The following KATNAL2 variants were observed in gnomAD, a reference collection of about 807,000 sequenced individuals.
KATNAL2 encodes katanin catalytic subunit A1 like 2.
KATNAL2 carries 52 observed loss-of-function variants against 76.3 expected under a neutral mutation model. That is an observed-to-expected ratio of 0.68 (90% CI 0.55 to 0.86). The LOEUF (loss-of-function observed/expected upper bound fraction) is 0.86, where lower values mean the gene tolerates loss of function less well. KATNAL2 is among the 40% of genes least tolerant of loss of function. KATNAL2 has a pLI of 0.00. For synonymous variants in KATNAL2, 243 were observed against 244.2 expected (o/e 1.00, Z 0.05); for missense variants, 660 against 668.9 (o/e 0.99, Z 0.15).
intron 15 of KATNAL2, among the ~76,000 whole-genome samples, chr18:47,093,221 G>T (rs2063077079): frequency 6.6e-6 from 1 of 152,188 alleles, no homozygotes; most frequent in Admixed American, 6.5e-5. Context: ...TCACAGGGTT[G>T]TTGTGAGAAT....
intron 4 of KATNAL2, among the ~76,000 whole-genome samples, chr18:47,049,597 C>T (rs2061276962): frequency 6.6e-6 from 1 of 152,224 alleles, no homozygotes; most frequent in Admixed American, 6.5e-5. Flanking sequence ...AACTAGGTCC[C>T]TCATTTCAGG....
At chr18:47,078,283 T>A (rs1291580837) in intron 15 of KATNAL2, among the ~76,000 whole-genome samples, 1 of 152,168 alleles carries the variant, frequency 6.6e-6, no homozygotes, top group Non-Finnish European at 1.5e-5. Flanking sequence ...AGAGAAACTC[T>A]TCTGTAGTGC....
At chr18:47,100,381 T>C in intron 17 of KATNAL2, 25 bp downstream of exon 17, 2 of 1,579,074 alleles carry the variant, frequency 1.3e-6, no homozygotes, top group Admixed American at 1.7e-5. Context: ...ACCATGAAGG[T>C]GTTCCAGGAA....
At chr18:46,956,951 G>A (rs1411746563) in intron 3 of KATNAL2, among the ~76,000 whole-genome samples, 1 of 149,948 alleles carries the variant, frequency 6.7e-6, no homozygotes, top group African/African-American at 2.5e-5. Context: ...GCTGAGACAA[G>A]AGAATTGGTT....
At chr18:47,032,883 G>C (rs950795327) in intron 3 of KATNAL2, 61 of 1,574,120 alleles carry the variant, frequency 3.9e-5, no homozygotes, top group Non-Finnish European at 5.2e-5. Flanking sequence ...GAATTCAAAG[G>C]CTCAACTTTG....
intron 3 of KATNAL2, among the ~76,000 whole-genome samples, chr18:47,039,818 C>T (rs2060903195): frequency 6.6e-6 from 1 of 152,232 alleles, no homozygotes; most frequent in Non-Finnish European, 1.5e-5. Flanking sequence ...CCACCAATTA[C>T]TATCCCTAAT....
chr18:46,938,657 T>A (rs962746514), intron 1 of KATNAL2, among the ~76,000 whole-genome samples: 1 of 152,200 alleles, frequency 6.6e-6, no homozygotes, highest in East Asian at 1.9e-4. Context: ...TCATTCCATA[T>A]AACATCCATG....
At chr18:46,959,212 C>T (rs1025751861) in intron 3 of KATNAL2, among the ~76,000 whole-genome samples, 2 of 152,210 alleles carry the variant, frequency 1.3e-5, no homozygotes, top group South Asian at 2.1e-4. Flanking sequence ...ACTAATTAAA[C>T]AAACTCTAAA....
intron 3 of KATNAL2, chr18:47,033,085 G>A (rs774447890): frequency 6.2e-7 from 1 of 1,614,126 alleles, no homozygotes; most frequent in Admixed American, 1.7e-5. Context: ...CTGTTTCCGG[G>A]TTTTGGCCGC....
At chr18:47,045,641 G>A (rs2061134764) in intron 3 of KATNAL2, among the ~76,000 whole-genome samples, 2 of 152,130 alleles carry the variant, frequency 1.3e-5, no homozygotes, top group Admixed American at 6.5e-5. Flanking sequence ...GTGTTTCTAT[G>A]TATCATGAAT....
intron 16 of KATNAL2, 22 bp downstream of exon 16, chr18:47,099,427 CA>C (rs757556125): frequency 1.3e-6 from 2 of 1,592,566 alleles, no homozygotes; most frequent in Admixed American, 3.5e-5. Context: ...TGGAGAGGGG[CA>C]CATGTAGGTC....
At chr18:46,954,664 G>T (rs371865140) in intron 3 of KATNAL2, among the ~76,000 whole-genome samples, 1 of 151,446 alleles carries the variant, frequency 6.6e-6, no homozygotes, top group East Asian at 2.0e-4. Context: ...TGAGACAAAA[G>T]AAGTCTGACT....
Position 47,100,312 on chromosome 18 carries a change from G to T in KATNAL2, c.1433G>T (p.Arg478Leu), listed in dbSNP as rs143203686. 3.1e-6 allele frequency: 5 copies of T among 1,614,072 alleles called. No individual in the cohort carries two copies. The highest frequency in any genetic ancestry group is 3.4e-6 in the Non-Finnish European group (4 of 1,179,972). ...CTCGTCTGCAGGGAAGCAGCCATGC[G>T]GCCCGTGAGGAAGATCTTTGATGCA... is the stretch of plus-strand genomic sequence containing the variant. ...IKLVCREAAMRPVRKIFDALE... is the reference protein window; with the variant it reads ...IKLVCREAAMLPVRKIFDALE... Residue 478 changes from arginine to leucine, a missense_variant, in exon 17 of 18, where the codon CGG (arginine) becomes CTG (leucine). Arg to Leu is a moderately radical substitution (Grantham distance 102). Coordinates refer to ENST00000683218, the MANE Select transcript of KATNAL2 (RefSeq NM_001387690.1).
chr18:47,031,471 A>T (rs1446279719), intron 3 of KATNAL2, among the ~76,000 whole-genome samples: 1 of 152,100 alleles, frequency 6.6e-6, no homozygotes, highest in African/African-American at 2.4e-5. Context: ...TTCTGCAGAA[A>T]GAAAATCATT....
Position 47,052,890 on chromosome 18 carries a change from A to G in KATNAL2, c.133A>G (p.Thr45Ala). ...CTGTGAAACTGCCAGGTATATCGAT[A>G]CAGCAAATGCTTTGGAGCAAGAAAC... ...HYLTQEGYID[T>A]ANALEQETKL... Residue 45 changes from threonine (T) to alanine (A), a missense_variant, in exon 5 of 18, where the codon ACA becomes GCA. Transcript: ENST00000683218. 1 of 1,603,600 alleles carries G rather than the reference A, an allele frequency of 6.2e-7. No homozygotes were observed. The highest frequency in any genetic ancestry group is 8.5e-7 in the Non-Finnish European group (1 of 1,177,060).
intron 15 of KATNAL2, among the ~76,000 whole-genome samples, chr18:47,081,723 T>C (rs188979349): frequency 2.6e-5 from 4 of 152,254 alleles, no homozygotes; most frequent in Admixed American, 6.5e-5. Context: ...TACTGTTAGG[T>C]GTGGTCAAGG....
At chr18:46,950,971 A>T (rs528772899) in intron 3 of KATNAL2, among the ~76,000 whole-genome samples, 1 of 152,288 alleles carries the variant, frequency 6.6e-6, no homozygotes, top group South Asian at 2.1e-4. Flanking sequence ...GGCGTGAGCC[A>T]CCGTGCCCGG....
intron 1 of KATNAL2, among the ~76,000 whole-genome samples, chr18:46,945,079 A>T (rs569680792): frequency 5.1e-4 from 77 of 152,326 alleles, no homozygotes; most frequent in Admixed American, 1.2e-3. Flanking sequence ...CTATACTAAC[A>T]TTGTTTTCTA....
chr18:46,960,443 G>A (rs1725890495), intron 3 of KATNAL2, among the ~76,000 whole-genome samples: 1 of 142,834 alleles, frequency 7.0e-6, no homozygotes, highest in Admixed American at 7.0e-5. Context: ...AAAAAAAAAT[G>A]AACAGCAGTT....
Sources: allele counts gnomAD v4.1 joint callset (sites outside exome capture counted in the v4.1 genomes callset), GRCh38; gene constraint gnomAD v4.1.1; transcripts MANE v1.5; gene names NCBI Gene and HGNC (gene_info 2026-07-23, HGNC 2026-07-21).